The following SLC9C2 variants were observed in gnomAD, a reference collection of about 807,000 sequenced individuals.
SLC9C2 encodes sodium/hydrogen exchanger 11.
A neutral mutation model predicts 140.2 loss-of-function variants in SLC9C2; 75 were observed. The ratio of observed to expected loss-of-function variants is 0.53; its 90% confidence interval spans 0.44 to 0.65. SLC9C2 has a LOEUF of 0.65. SLC9C2 is among the 30% of genes least tolerant of loss of function. The pLI, the probability that SLC9C2 is intolerant of heterozygous loss-of-function variation, is 0.00. For synonymous variants in SLC9C2, 375 were observed against 420.9 expected (o/e 0.89, Z 1.34); for missense variants, 1,074 against 1,331.8 (o/e 0.81, Z 3.01).
In SLC9C2 at chr1:173,536,999, A is replaced by C; in HGVS notation, c.1598T>G (p.Ile533Arg). ...ACCAATTAATATCCGGGCTGCCTCT[A>C]TTTCAAGAATTCCATTGTTACGCTG... ...EKQRNNGILE[I>R]EAARILIGAA... The change falls in exon 14 of 28, where the codon ATA becomes AGA. Residue 533 changes from isoleucine to arginine, a missense_variant. By Grantham distance (97) the Ile-to-Arg change is moderately conservative. Coordinates refer to ENST00000367714, the MANE Select transcript of SLC9C2 (RefSeq NM_178527.4). 1 of 1,613,826 alleles carries C rather than the reference A, an allele frequency of 6.2e-7. No homozygotes were observed. The highest frequency in any genetic ancestry group is 8.5e-7 in the Non-Finnish European group (1 of 1,179,822).
At chr1:173,527,298 A>G (rs917692369) in intron 18 of SLC9C2, among the ~76,000 whole-genome samples, 2 of 152,196 alleles carry the variant, frequency 1.3e-5, no homozygotes, top group Non-Finnish European at 1.5e-5. Flanking sequence ...TACAGTCAGT[A>G]GCTTGCATAA....
chr1:173,550,926 AGGAGGGGAGG>A (rs1171573243), intron 11 of SLC9C2, among the ~76,000 whole-genome samples: 1 of 82,512 alleles, frequency 1.2e-5, no homozygotes, highest in African/African-American at 5.8e-5. Flanking sequence ...GGAAGGGAAG[AGGAGGGGAGG>A]GGAGGGGAGG....
At chr1:173,506,785 C>T in intron 25 of SLC9C2, 71 bp downstream of exon 25, 1 of 1,265,872 alleles carries the variant, frequency 7.9e-7, no homozygotes. Flanking sequence ...TTAAGGTGAT[C>T]AGTTGAGTTT....
intron 13 of SLC9C2, among the ~76,000 whole-genome samples, chr1:173,539,677 A>T (rs1662231980): frequency 6.6e-6 from 1 of 152,196 alleles, no homozygotes; most frequent in South Asian, 2.1e-4. Context: ...AGAGACTATA[A>T]AATAAGAACA....
chr1:173,517,578 G>C lies in SLC9C2; in HGVS notation c.2866C>G (p.Arg956Gly), dbSNP rs776106559. The part of the protein sequence containing the change: ...IIGELSCLLK[R>G]EIEYTVICET... ...CAGATGACGGTATATTCAATTTCACGCTTAAGCAGACAGCTTAGCTCTCCA... is the reference window on the plus strand; with the variant it reads ...CAGATGACGGTATATTCAATTTCACCCTTAAGCAGACAGCTTAGCTCTCCA... The change falls in exon 23 of 28, where the codon CGT (arginine) becomes GGT (glycine). Residue 956 changes from arginine (R) to glycine (G), a missense_variant. Physicochemically the swap from Arg to Gly is moderately radical, Grantham distance 125. Transcript: ENST00000367714. 1.9e-6 allele frequency: 3 copies of C among 1,612,802 alleles called. No homozygotes were observed. The highest frequency in any genetic ancestry group is 2.5e-6 in the Non-Finnish European group (3 of 1,179,618).
intron 25 of SLC9C2, 94 bp downstream of exon 25, chr1:173,506,762 G>C: frequency 1.9e-6 from 2 of 1,035,764 alleles, no homozygotes; most frequent in Non-Finnish European, 2.8e-6. Flanking sequence ...GTCATTCCAG[G>C]TTAAATTTCT....
intron 4 of SLC9C2, 147 bp from the exon 5 acceptor site, chr1:173,587,977 A>G: frequency 3.8e-6 from 2 of 529,290 alleles, no homozygotes; most frequent in Non-Finnish European, 3.1e-6. Context: ...TAGTTTAACC[A>G]CCTGCCACAA....
At position 173,526,709 on chromosome 1, in the gene SLC9C2, T is replaced by G. The variant is rs1027514940; in HGVS notation, c.2319A>C (p.Leu773=). The G allele has an allele frequency of 1.3e-6, 2 of 1,586,146 alleles. No individual in the cohort carries two copies. The highest frequency in any genetic ancestry group is 1.7e-6 in the Non-Finnish European group (2 of 1,170,460). The change falls in exon 19 of 28, where the codon CTA becomes CTC. Residue 773 remains leucine (L), a synonymous_variant. Transcript: ENST00000367714. ...IAVCESIYQK[L]CEILETNKQD... is the part of the protein sequence containing the mutation. ...GTTTGTTGGTTTCCAAAATTTCACA[T>G]AGTTTCTGTAAAAAATTAAGAAAAA...
At chr1:173,529,815 G>A (rs1000381649) in intron 18 of SLC9C2, 90 bp downstream of exon 18, 14 of 1,421,800 alleles carry the variant, frequency 9.8e-6, no homozygotes, top group African/African-American at 2.9e-5. Context: ...GAATTTGTCT[G>A]TTTCGTCAAA....
chr1:173,505,075 C>T (rs983515627), intron 26 of SLC9C2, among the ~76,000 whole-genome samples, 172 bp downstream of exon 26: 12 of 152,172 alleles, frequency 7.9e-5, no homozygotes, highest in African/African-American at 2.9e-4. Flanking sequence ...CTGGAAGTCT[C>T]TCATATGTGA....
At chr1:173,520,842 C>G (rs1382740241) in intron 22 of SLC9C2, among the ~76,000 whole-genome samples, 5 of 152,100 alleles carry the variant, frequency 3.3e-5, no homozygotes, top group Non-Finnish European at 5.9e-5. Context: ...CGCATGAAAC[C>G]AGCTACTAAA....
intron 24 of SLC9C2, among the ~76,000 whole-genome samples, chr1:173,507,578 T>C (rs960248075): frequency 1.3e-5 from 2 of 152,068 alleles, no homozygotes; most frequent in African/African-American, 4.8e-5. Flanking sequence ...CCCAGTATCC[T>C]GGAATGTGAC....
intron 13 of SLC9C2, 81 bp from the exon 14 acceptor site, chr1:173,537,120 C>G (rs144071807): frequency 9.6e-7 from 1 of 1,039,940 alleles, no homozygotes; most frequent in African/African-American, 1.6e-5. Flanking sequence ...ATAGCCCTCA[C>G]TATTATTACT....
intron 26 of SLC9C2, 103 bp downstream of exon 26, chr1:173,505,140 AACCC>A (rs751328760): frequency 2.5e-5 from 23 of 924,100 alleles, no homozygotes; most frequent in South Asian, 8.3e-5. Context: ...ACTAATGATA[AACCC>A]ACATAGTGCC....
At chr1:173,534,716 T>A in intron 15 of SLC9C2, 34 bp from the exon 16 acceptor site, 1 of 1,378,276 alleles carries the variant, frequency 7.3e-7, no homozygotes, top group Non-Finnish European at 9.6e-7. Flanking sequence ...TTAGATCACT[T>A]AAAAGTATAA....
chr1:173,531,215 T>C (rs908523161), intron 17 of SLC9C2, among the ~76,000 whole-genome samples: 14 of 152,136 alleles, frequency 9.2e-5, no homozygotes, highest in African/African-American at 3.4e-4. Flanking sequence ...AAATAGTGAG[T>C]GTTCAATTAA....
intron 4 of SLC9C2, among the ~76,000 whole-genome samples, chr1:173,589,071 C>T (rs1666013677): frequency 2.0e-5 from 3 of 152,128 alleles, no homozygotes; most frequent in Non-Finnish European, 4.4e-5. Context: ...GAGAAAGACC[C>T]TGTCTCTAAA....
chr1:173,527,435 A>G (rs1661285177), intron 18 of SLC9C2, among the ~76,000 whole-genome samples: 1 of 152,248 alleles, frequency 6.6e-6, no homozygotes, highest in Non-Finnish European at 1.5e-5. Flanking sequence ...GCCTATCAGG[A>G]GCACAAAAAG....
chr1:173,533,471 G>A, intron 17 of SLC9C2, 138 bp downstream of exon 17: 1 of 595,148 alleles, frequency 1.7e-6, no homozygotes, highest in Non-Finnish European at 3.0e-6. Flanking sequence ...TAGTGATGGG[G>A]TCTTGCTATG....
Sources: gnomAD v4.1 joint callset for allele counts (sites outside exome capture counted in the v4.1 genomes callset) on GRCh38, gnomAD v4.1.1 for gene constraint, MANE v1.5 for transcripts, NCBI Gene and HGNC (gene_info 2026-07-23, HGNC 2026-07-21) for gene names.